CEP72: variants seen among roughly 807,000 people sequenced by gnomAD.
The protein encoded by CEP72 is centrosomal protein 72, also known as centrosomal protein of 72 kDa.
CEP72 carries 78 observed loss-of-function variants against 65.7 expected under a neutral mutation model. That is an observed-to-expected ratio of 1.19 (90% CI 0.99 to 1.43). The LOEUF (loss-of-function observed/expected upper bound fraction) is 1.43, where lower values mean the gene tolerates loss of function less well. Among genes scored for constraint, CEP72 ranks in the 40% most tolerant of loss-of-function variants. CEP72 has a pLI of 0.00. For missense variants in CEP72, 914 were observed against 832.9 expected, an observed-to-expected ratio of 1.10 and a Z score of -1.20; for synonymous variants, 358 against 351.7, an observed-to-expected ratio of 1.02 and a Z score of -0.20.
chr5:639,039 A>G, intron 7 of CEP72, 50 bp from the exon 8 acceptor site: 4 of 1,609,658 alleles, frequency 2.5e-6, no homozygotes, highest in South Asian at 1.1e-5. Context: ...GCTGGCATTC[A>G]GGACCTCAGT....
Position 628,381 on chromosome 5 carries a change from C to G in CEP72, c.512+3802C>G, listed in dbSNP as rs111747136. On this transcript the variant is annotated intron_variant, in intron 4 of 11. Transcript: ENST00000264935. ...GGAGGTCCTGGCCCCAGGACCCAGC[C>G]CCCTTCTTTGTGCAGCTTCTGGAGA... Among the ~76,000 whole-genome samples, 163 of 151,176 alleles carry G rather than the reference C, an allele frequency of 1.1e-3. 1 individual carries two copies. Among genetic ancestry groups the G allele is most frequent in the African/African-American group, 3.9e-3 (158 of 40,610 alleles).
chr5:657,296 T>C (rs896907091), downstream of CEP72, among the ~76,000 whole-genome samples: 1 of 152,144 alleles, frequency 6.6e-6, no homozygotes, highest in Non-Finnish European at 1.5e-5. Context: ...TCGGGCAGCA[T>C]CTGGTGCGTC....
chr5:640,851 C>T, intron 9 of CEP72: 1 of 985,472 alleles, frequency 1.0e-6, no homozygotes, highest in Non-Finnish European at 1.2e-6. Flanking sequence ...GCCCAAGGGA[C>T]CCTCCACCAC....
Position 643,372 on chromosome 5 carries a change from C to G in CEP72, c.1540-927C>G, listed in dbSNP as rs1738187855. Reference sequence around the variant, plus strand: ...TGGTTGGCGCCACTGCAGCAGACACCTTGGGGAGAAGTCCGCGAAATGAAG... The same window carrying G: ...TGGTTGGCGCCACTGCAGCAGACACGTTGGGGAGAAGTCCGCGAAATGAAG... On this transcript the variant is annotated intron_variant, in intron 9 of 11. Transcript: ENST00000264935. 3.0e-6 allele frequency: 3 copies of G among 985,318 alleles called. No individual in the cohort carries two copies. In the South Asian group the frequency reaches 1.4e-4, roughly 46 times the overall value. 61.0% of individuals were successfully genotyped at this position (985,318 alleles called of 1,614,324 possible). A position where few individuals can be genotyped will look rare whatever the true frequency, so the allele number is the denominator to read the frequency against.
intron 2 of CEP72, chr5:665,084 C>T (rs750639997): frequency 8.2e-5 from 131 of 1,603,036 alleles, no homozygotes; most frequent in Non-Finnish European, 1.1e-4. Flanking sequence ...GGCAGTGCCG[C>T]GAGGCATGGA....
chr5:633,646 C>A, intron 4 of CEP72, 123 bp from the exon 5 acceptor site: 1 of 893,120 alleles, frequency 1.1e-6, no homozygotes, highest in Non-Finnish European at 1.8e-6. Context: ...GACCCGGCTG[C>A]CCCACGTTTG....
downstream of CEP72, among the ~76,000 whole-genome samples, chr5:668,397 T>TGCCG (rs1561082205): frequency 2.0e-5 from 2 of 99,360 alleles, no homozygotes; most frequent in East Asian, 2.1e-4. Context: ...GTCAGGGAAG[T>TGCCG]ACCGACAAGC....
intron 6 of CEP72, among the ~76,000 whole-genome samples, chr5:637,150 G>A (rs111363206): frequency 2.0e-5 from 3 of 152,328 alleles, no homozygotes; most frequent in African/African-American, 7.2e-5. Flanking sequence ...TCAGAGATGG[G>A]CGTGTGCTTA....
downstream of CEP72, among the ~76,000 whole-genome samples, chr5:654,450 T>C (rs868752215): frequency 6.9e-6 from 1 of 145,716 alleles, no homozygotes; most frequent in African/African-American, 2.6e-5. Context: ...TGTGTGTGTG[T>C]GCTTCTGTGT....
At chr5:644,733 A>G (rs1738302042) in intron 10 of CEP72, among the ~76,000 whole-genome samples, 1 of 152,180 alleles carries the variant, frequency 6.6e-6, no homozygotes. Context: ...GGGCCTGGTC[A>G]CTGTGGGGTT....
At chr5:612,594 G>C in intron 1 of CEP72, 151 bp downstream of exon 1, 1 of 1,222,514 alleles carries the variant, frequency 8.2e-7, no homozygotes, top group East Asian at 3.5e-5. Flanking sequence ...CGGGGCGCGC[G>C]TGTCCAGGTG....
At position 645,881 on chromosome 5, in the gene CEP72, C is replaced by T. The variant is rs1156715910; in HGVS notation, c.1666+1456C>T. 3.9e-5 allele frequency among the ~76,000 whole-genome samples: 6 copies of T among 152,350 alleles called. No homozygotes were observed. The highest frequency in any genetic ancestry group is 1.4e-4 in the African/African-American group (6 of 41,584). ...ACTAGAAATTGCTGTGTGAGCGTCA[C>T]TCCTGCTCCCGTCGGCGGCCTGTGT... On this transcript the variant is annotated intron_variant, in intron 10 of 11. Transcript: ENST00000264935. The surrounding 1 kb of genome is among the most constrained non-coding windows in gnomAD (Gnocchi z 4.0).
At position 649,950 on chromosome 5, in the gene CEP72, G is replaced by A. The variant is rs561653378; in HGVS notation, c.1778+2034G>A. 1.4e-4 allele frequency among the ~76,000 whole-genome samples: 13 copies of A among 92,760 alleles called. No homozygotes were observed. In the South Asian group the frequency reaches 3.3e-3, roughly 23 times the overall value. The allele number at this position is 92,760 out of a possible 152,430, so 60.9% of individuals were successfully genotyped here. A position where few individuals can be genotyped will look rare whatever the true frequency, so the allele number is the denominator to read the frequency against. ...GGACTGTGAGGCGTGACTGTGAGGC[G>A]TGACTGTGAGGCGTGGACTGTGAGG... On this transcript the variant is annotated intron_variant, in intron 11 of 11. Coordinates refer to ENST00000264935, the MANE Select transcript of CEP72 (RefSeq NM_018140.4).
In CEP72 at chr5:629,696, C is replaced by A. The variant is rs71585264; in HGVS notation, c.513-4073C>A. 3.5e-4 allele frequency among the ~76,000 whole-genome samples: 13 copies of A among 36,680 alleles called. No homozygotes were observed. In the East Asian group the frequency reaches 0.012, roughly 33 times the overall value. 24.1% of individuals were successfully genotyped at this position (36,680 alleles called of 152,430 possible). On this transcript the variant is annotated intron_variant, in intron 4 of 11. Coordinates refer to ENST00000264935, the MANE Select transcript of CEP72 (RefSeq NM_018140.4). ...GGTTCTGTCCAGTGCCGGGATTTGG[C>A]CCAGTCCTGGTGGGGTTCTGTCCAG...
the CEP72 span, among the ~76,000 whole-genome samples, chr5:672,541 C>T: frequency 9.2e-5 from 14 of 152,372 alleles, no homozygotes; most frequent in Non-Finnish European, 1.8e-4. Context: ...CTAGATGGAC[C>T]CATAGGGGGC....
the CEP72 span, among the ~76,000 whole-genome samples, chr5:675,260 C>T: frequency 1.8e-5 from 1 of 54,326 alleles, no homozygotes; most frequent in Non-Finnish European, 3.2e-5. Context: ...TACAGTGTGG[C>T]CGGGGGTGCA....
chr5:628,467 CTGGAGAACTCAGGTTG>C (rs1736910726), intron 4 of CEP72, among the ~76,000 whole-genome samples: 2 of 131,604 alleles, frequency 1.5e-5, no homozygotes, highest in Admixed American at 7.5e-5. Context: ...TGTGCAGCTT[CTGGAGAACTCAGGTTG>C]CCGTCCCTGG....
At chr5:669,529 T>C (rs539624629), downstream of CEP72, among the ~76,000 whole-genome samples, 2 of 152,214 alleles carry the variant, frequency 1.3e-5, no homozygotes, top group African/African-American at 4.8e-5. Flanking sequence ...TCTCCTGTCT[T>C]CTATTCCCAC....
At position 612,372 on chromosome 5, in the gene CEP72, C is replaced by G; in HGVS notation, c.11C>G (p.Ala4Gly). The G allele has an allele frequency of 2.7e-6, 4 of 1,490,392 alleles. No homozygotes were observed. The highest frequency in any genetic ancestry group is 8.9e-7 in the Non-Finnish European group (1 of 1,125,222). The allele number at this position is 1,490,392 out of a possible 1,614,324, so 92.3% of individuals were successfully genotyped here. MAR[A>G]GPRLVLSEEA... ...GGCTCCGTTTGAAACATGGCGCGGG[C>G]TGGCCCTCGGCTGGTGCTGAGCGAG... Residue 4 changes from alanine to glycine, a missense_variant, in exon 1 of 12, where the codon GCT becomes GGT. Coordinates refer to ENST00000264935, the MANE Select transcript of CEP72 (RefSeq NM_018140.4).
Sources: allele counts gnomAD v4.1 joint callset (sites outside exome capture counted in the v4.1 genomes callset), GRCh38; gene constraint gnomAD v4.1.1; non-coding constraint Gnocchi (gnomAD v3.1); transcripts MANE v1.5; gene names NCBI Gene and HGNC (gene_info 2026-07-23, HGNC 2026-07-21).